Variants in LYST observed in about 807,000 individuals in gnomAD.
The protein encoded by LYST is lysosomal trafficking regulator.
Under a neutral mutation model 413.6 loss-of-function variants are expected in LYST, and 192 were observed. That is an observed-to-expected ratio of 0.46 (90% CI 0.41 to 0.52). The LOEUF (loss-of-function observed/expected upper bound fraction) is 0.52. LYST is among the 20% of genes least tolerant of loss of function. The pLI is 0.00. For missense variants in LYST, 3,815 were observed against 4,499.9 expected (o/e 0.85, Z 4.35); for synonymous variants, 1,525 against 1,567.3 (o/e 0.97, Z 0.64).
Position 235,746,384 on chromosome 1 carries a change from T to C in LYST, c.7924A>G (p.Arg2642Gly). 1 of 1,614,012 alleles carries C rather than the reference T, an allele frequency of 6.2e-7. No individual in the cohort carries two copies. The highest frequency in any genetic ancestry group is 8.5e-7 in the Non-Finnish European group (1 of 1,179,916). Reference sequence around the variant, plus strand: ...GCTAAAACAGTGAGCCTCTGTAGTCTCTGCGCAAGTTCCGTTTCAGTTGCT... The same window carrying C: ...GCTAAAACAGTGAGCCTCTGTAGTCCCTGCGCAAGTTCCGTTTCAGTTGCT... ...SQATETELAQRLQRLTVLAVN... is the reference protein window; with the variant it reads ...SQATETELAQGLQRLTVLAVN... The change falls in exon 29 of 53, where the codon AGA becomes GGA. Residue 2642 changes from arginine to glycine, a missense_variant. By Grantham distance (125) the Arg-to-Gly change is moderately radical. This residue lies in a region of LYST where 771 missense variants were observed against 837.1 expected (regional missense o/e 0.92). Transcript: ENST00000389793.
chr1:235,862,848 C>CACACAT (rs36022107), intron 1 of LYST, among the ~76,000 whole-genome samples: 4,285 of 146,378 alleles, frequency 0.029, 111 homozygotes, highest in Non-Finnish European at 0.036. Context: ...CACACACACA[C>CACACAT]CCCTTCAAGA....
At chr1:235,803,457 T>G (rs1006392919) in intron 7 of LYST, among the ~76,000 whole-genome samples, 8 of 152,114 alleles carry the variant, frequency 5.3e-5, no homozygotes, top group Non-Finnish European at 1.5e-5. Context: ...TTCATAAGGA[T>G]TTTTATAAAT....
At chr1:235,692,759 C>T (rs1186773814) in intron 47 of LYST, among the ~76,000 whole-genome samples, 1 of 151,984 alleles carries the variant, frequency 6.6e-6, no homozygotes, top group African/African-American at 2.4e-5. Context: ...CACAGTGGCT[C>T]ACTGTAATCC....
intron 1 of LYST, among the ~76,000 whole-genome samples, chr1:235,862,175 T>C (rs978291568): frequency 6.6e-6 from 1 of 152,214 alleles, no homozygotes; most frequent in East Asian, 1.9e-4. Flanking sequence ...ATGATATGAC[T>C]GACATAAGGA....
In LYST at chr1:235,861,583, A is replaced by T. The variant is rs113522995; in HGVS notation, c.-98+5260T>A. On this transcript the variant is annotated intron_variant, in intron 1 of 52. Coordinates refer to ENST00000389793, the MANE Select transcript of LYST (RefSeq NM_000081.4). ...TATATTTAGGTTGAAAATCCATTTTAAAAAATTAGCTTATTTCCTGGTTCT... is the reference window on the plus strand; with the variant it reads ...TATATTTAGGTTGAAAATCCATTTTTAAAAATTAGCTTATTTCCTGGTTCT... Among the ~76,000 whole-genome samples, 478 of 152,354 alleles carry T rather than the reference A, an allele frequency of 3.1e-3. 2 individuals carry two copies. Among genetic ancestry groups the T allele is most frequent in the African/African-American group, 0.011 (457 of 41,586 alleles).
intron 9 of LYST, 151 bp downstream of exon 9, chr1:235,800,720 A>C (rs1205836201): frequency 1.6e-6 from 1 of 626,432 alleles, no homozygotes; most frequent in Non-Finnish European, 2.8e-6. Flanking sequence ...AAGATTTTGG[A>C]ATACCACTTG....
intron 43 of LYST, among the ~76,000 whole-genome samples, chr1:235,710,588 CTG>C (rs1055099551): frequency 1.1e-4 from 16 of 152,314 alleles, no homozygotes; most frequent in Admixed American, 6.5e-4. Context: ...CTGTAAAAAA[CTG>C]TGTTTTCCAA....
At chr1:235,817,065 C>G in intron 3 of LYST, among the ~76,000 whole-genome samples, 1 of 151,970 alleles carries the variant, frequency 6.6e-6, no homozygotes, top group East Asian at 1.9e-4. Context: ...CCAAAGGACA[C>G]GAACAGACAC....
At chr1:235,758,188 C>T (rs747851915) in intron 23 of LYST, among the ~76,000 whole-genome samples, 1 of 152,074 alleles carries the variant, frequency 6.6e-6, no homozygotes, top group Non-Finnish European at 1.5e-5. Flanking sequence ...TATGGGTCTG[C>T]GATAGCAGAA....
In LYST at chr1:235,808,637, C is replaced by T. The variant is rs749804968; in HGVS notation, c.2181G>A (p.Gln727=). The T allele has an allele frequency of 3.1e-6, 5 of 1,613,056 alleles. No individual in the cohort carries two copies. Among genetic ancestry groups the T allele is most frequent in the African/African-American group, 1.3e-5 (1 of 74,910 alleles). ...NLIQKGNIVV[Q]WKLYNYIFNP... ...TAAATATGTAATTATATAATTTCCA[C>T]TGAACAACTATATTGCCTTTCTGGA... The change falls in exon 5 of 53, where the codon CAG becomes CAA. Residue 727 remains glutamine (Q), a synonymous_variant. Coordinates refer to ENST00000389793, the MANE Select transcript of LYST (RefSeq NM_000081.4).
chr1:235,688,589 G>A (rs1428021932), intron 47 of LYST, among the ~76,000 whole-genome samples: 4 of 152,112 alleles, frequency 2.6e-5, no homozygotes, highest in Non-Finnish European at 4.4e-5. Context: ...ACAATTATGA[G>A]ACTAATCACA....
intron 31 of LYST, chr1:235,737,938 GCCCCAACA>G: frequency 1.7e-6 from 2 of 1,193,702 alleles, no homozygotes; most frequent in Non-Finnish European, 2.1e-6. Context: ...ACTGCCGCGT[GCCCCAACA>G]CCCGCCGGAC....
Position 235,782,089 on chromosome 1 carries a change from T to C in LYST, c.4863-2A>G. The C allele has an allele frequency of 6.2e-7, 1 of 1,610,074 alleles. No homozygotes were observed. ...AAATCCAAAGTAACATCAGGCTTCC[T>C]ACATTAAAAACAAAACAAAGTTAAA... On this transcript the variant is annotated splice_acceptor_variant, in intron 14 of 52. Transcript: ENST00000389793. LOFTEE classifies it high-confidence loss of function.
At chr1:235,857,778 C>CAT (rs1191462114) in intron 1 of LYST, among the ~76,000 whole-genome samples, 2 of 140,622 alleles carry the variant, frequency 1.4e-5, no homozygotes, top group African/African-American at 2.8e-5. Context: ...CACACACACA[C>CAT]ACACACATAT....
At position 235,674,818 on chromosome 1, in the gene LYST, T is replaced by G. The variant is rs984418929; in HGVS notation, c.11038+2273A>C. ...AAAGCCCTACAGGGCCTTACCACCCTAGCAAATAAATTAGCCGAAAAGTCA... is the reference window on the plus strand; with the variant it reads ...AAAGCCCTACAGGGCCTTACCACCCGAGCAAATAAATTAGCCGAAAAGTCA... On this transcript the variant is annotated intron_variant, in intron 50 of 52. Transcript: ENST00000389793. This position sits in a 1 kb window ranked among gnomAD's most constrained non-coding sequence, Gnocchi z 4.1. Among the ~76,000 whole-genome samples the G allele has an allele frequency of 5.9e-5, 9 of 152,152 alleles. No individual in the cohort carries two copies. The highest frequency in any genetic ancestry group is 1.3e-4 in the Non-Finnish European group (9 of 68,020).
At chr1:235,818,842 A>G (rs1016348153) in intron 3 of LYST, among the ~76,000 whole-genome samples, 2 of 152,196 alleles carry the variant, frequency 1.3e-5, no homozygotes, top group Non-Finnish European at 2.9e-5. Context: ...CTGCGTAAAC[A>G]GGCATTCCTG....
In LYST at chr1:235,809,395, T is replaced by C; in HGVS notation, c.1423A>G (p.Ser475Gly). The change falls in exon 5 of 53, where the codon AGT (serine) becomes GGT (glycine). Residue 475 changes from serine to glycine, a missense_variant. Transcript: ENST00000389793. The surrounding 1 kb of genome is among the most constrained non-coding windows in gnomAD (Gnocchi z 4.0). ...ASEHLKALINSVMKIMSTVKK... is the reference protein window; with the variant it reads ...ASEHLKALINGVMKIMSTVKK... ...ACAGTGCTCATTATTTTCATCACAC[T>C]ATTTATTAGGGCTTTCAAATGCTCT... The C allele has an allele frequency of 6.2e-7, 1 of 1,614,014 alleles. No individual in the cohort carries two copies. The highest frequency in any genetic ancestry group is 8.5e-7 in the Non-Finnish European group (1 of 1,179,988).
At chr1:235,795,828 C>CA (rs917967235) in intron 10 of LYST, among the ~76,000 whole-genome samples, 10 of 151,188 alleles carry the variant, frequency 6.6e-5, no homozygotes, top group Non-Finnish European at 1.0e-4. Context: ...ATTTAAAAAA[C>CA]AAAAAAACAG....
At chr1:235,794,508 C>T (rs1027727808) in intron 10 of LYST, among the ~76,000 whole-genome samples, 2 of 152,058 alleles carry the variant, frequency 1.3e-5, no homozygotes, top group Non-Finnish European at 2.9e-5. Context: ...TTTTTACATG[C>T]TTTATTTCAG....
Sources: allele counts gnomAD v4.1 joint callset (sites outside exome capture counted in the v4.1 genomes callset), GRCh38; gene constraint gnomAD v4.1.1; regional missense constraint gnomAD v4.1.1; non-coding constraint Gnocchi (gnomAD v3.1); transcripts MANE v1.5; gene names NCBI Gene and HGNC (gene_info 2026-07-23, HGNC 2026-07-21).